The following RNF150 variants were observed in gnomAD, a reference collection of about 807,000 sequenced individuals.
RNF150 encodes ring finger protein 150.
In RNF150, 24 loss-of-function variants were observed where a neutral mutation model predicts 39.3. The observed-to-expected ratio is 0.61, with a 90% CI of 0.44 to 0.86. RNF150 has a LOEUF of 0.86. RNF150 is among the 40% of genes least tolerant of loss of function. The pLI is 0.00. For missense variants in RNF150, 502 were observed against 587.8 expected (o/e 0.85, Z 1.51); for synonymous variants, 255 against 227.3 (o/e 1.12, Z -1.10).
intron 1 of RNF150, among the ~76,000 whole-genome samples, chr4:141,145,717 A>AT (rs1727189771): frequency 6.6e-6 from 1 of 152,242 alleles, no homozygotes; most frequent in Admixed American, 6.5e-5. Flanking sequence ...TGTATAAACC[A>AT]AAAAGGAATT....
chr4:140,961,626 G>T (rs1207937909), intron 2 of RNF150, among the ~76,000 whole-genome samples: 10 of 152,076 alleles, frequency 6.6e-5, no homozygotes, highest in Admixed American at 6.6e-4. Context: ...CATTAAAGCA[G>T]AAATATTTTT....
chr4:141,160,896 T>C (rs540439721), intron 1 of RNF150, among the ~76,000 whole-genome samples: 255 of 152,358 alleles, frequency 1.7e-3, no homozygotes, highest in African/African-American at 6.0e-3. Flanking sequence ...CTTTTCTTTA[T>C]AAATTACCCA....
intron 6 of RNF150, among the ~76,000 whole-genome samples, chr4:140,882,560 T>C (rs1729416426): frequency 6.6e-6 from 1 of 152,210 alleles, no homozygotes; most frequent in Non-Finnish European, 1.5e-5. Context: ...GTTACTATTT[T>C]CCCTTTAAAT....
intron 6 of RNF150, 142 bp from the exon 7 acceptor site, chr4:140,868,521 A>G (rs1037398138): frequency 3.4e-6 from 2 of 594,838 alleles, no homozygotes; most frequent in Non-Finnish European, 5.9e-6. Context: ...TAAAAACTCT[A>G]GTTAAAGCCT....
intron 6 of RNF150, among the ~76,000 whole-genome samples, chr4:140,873,437 C>T (rs1729028220): frequency 6.6e-6 from 1 of 152,094 alleles, no homozygotes; most frequent in African/African-American, 2.4e-5. Context: ...GAAAATTGCC[C>T]CCAAAGAGCC....
At chr4:141,074,160 T>C (rs1207966853) in intron 1 of RNF150, among the ~76,000 whole-genome samples, 1 of 152,106 alleles carries the variant, frequency 6.6e-6, no homozygotes. Flanking sequence ...ATAAAATCTT[T>C]CAGTCACAGA....
chr4:141,205,257 T>A (rs1728355232), intron 1 of RNF150, among the ~76,000 whole-genome samples: 1 of 152,188 alleles, frequency 6.6e-6, no homozygotes, highest in Admixed American at 6.5e-5. Context: ...CATAAGCTAT[T>A]CACATACAAT....
At chr4:141,062,285 G>A (rs551595392) in intron 1 of RNF150, among the ~76,000 whole-genome samples, 2 of 151,956 alleles carry the variant, frequency 1.3e-5, no homozygotes, top group East Asian at 3.9e-4. Flanking sequence ...TATTATACAT[G>A]TCTGTATTAT....
chr4:141,005,930 G>A (rs932501349), intron 1 of RNF150, among the ~76,000 whole-genome samples: 2 of 146,542 alleles, frequency 1.4e-5, no homozygotes, highest in Admixed American at 6.8e-5. Flanking sequence ...TTAGCCGGGC[G>A]TAGTGGCGGG....
At chr4:141,058,310 A>G (rs1365848418) in intron 1 of RNF150, among the ~76,000 whole-genome samples, 1 of 152,214 alleles carries the variant, frequency 6.6e-6, no homozygotes, top group South Asian at 2.1e-4. Context: ...GGGGAGGGTG[A>G]AGAAGAGGGG....
intron 1 of RNF150, chr4:140,996,815 TG>T (rs1734394103): frequency 1.3e-5 from 2 of 152,224 alleles, no homozygotes; most frequent in African/African-American, 4.8e-5. Flanking sequence ...GTTCATTGTG[TG>T]GTACAGACCA....
chr4:141,000,020 G>A (rs1579041843), intron 1 of RNF150, among the ~76,000 whole-genome samples: 1 of 30,662 alleles, frequency 3.3e-5, no homozygotes, highest in Non-Finnish European at 7.6e-5. Flanking sequence ...AGAAGAAGAA[G>A]AAGAAGAAGA....
intron 1 of RNF150, among the ~76,000 whole-genome samples, chr4:140,982,150 T>C (rs574290293): frequency 1.4e-4 from 22 of 152,294 alleles, no homozygotes; most frequent in Non-Finnish European, 4.4e-5. Flanking sequence ...CAAAATCTTC[T>C]TTGATATGCA....
chr4:141,116,187 T>A (rs921705747), intron 1 of RNF150, among the ~76,000 whole-genome samples: 1 of 152,118 alleles, frequency 6.6e-6, no homozygotes, highest in African/African-American at 2.4e-5. Flanking sequence ...AAAGAAACTA[T>A]CATCAGAGTG....
chr4:141,195,241 A>G (rs1326981776), intron 1 of RNF150, among the ~76,000 whole-genome samples: 2 of 152,142 alleles, frequency 1.3e-5, no homozygotes, highest in African/African-American at 2.4e-5. Context: ...GCCCCTTTAA[A>G]TGAACTTGGC....
intron 1 of RNF150, among the ~76,000 whole-genome samples, chr4:141,043,344 G>A (rs954035799): frequency 6.6e-6 from 1 of 152,094 alleles, no homozygotes; most frequent in Non-Finnish European, 1.5e-5. Flanking sequence ...ATACCTAGAT[G>A]ACAACACAGA....
rs1431421549 is a variant in RNF150, at chr4:141,000,075, A to G, written c.485-32202T>C. 5.1e-3 allele frequency among the ~76,000 whole-genome samples: 418 copies of G among 81,822 alleles called. 25 individuals are homozygous for G. Among genetic ancestry groups the G allele is most frequent in the East Asian group, 0.018 (40 of 2,234 alleles). 53.7% of individuals were successfully genotyped at this position (81,822 alleles called of 152,430 possible). A position where few individuals can be genotyped will look rare whatever the true frequency, so the allele number is the denominator to read the frequency against. ...GAAGAAGAAGAAGAAGAAGAAGAAGAAGAAGAAGAAGGAGAAGAAGAAGAA... is the reference window on the plus strand; with the variant it reads ...GAAGAAGAAGAAGAAGAAGAAGAAGGAGAAGAAGAAGGAGAAGAAGAAGAA... On this transcript the variant is annotated intron_variant, in intron 1 of 6. Coordinates refer to ENST00000515673, the MANE Select transcript of RNF150 (RefSeq NM_020724.2).
chr4:140,872,825 C>T (rs1729001471), intron 6 of RNF150, among the ~76,000 whole-genome samples: 1 of 152,218 alleles, frequency 6.6e-6, no homozygotes, highest in African/African-American at 2.4e-5. Flanking sequence ...GCTCACAAGA[C>T]ATCCAAGGTT....
At chr4:140,880,460 C>CT (rs1185202180) in intron 6 of RNF150, among the ~76,000 whole-genome samples, 8 of 150,152 alleles carry the variant, frequency 5.3e-5, no homozygotes. Context: ...CTGTAATTTT[C>CT]TTTTCTTGTA....
Sources: gnomAD v4.1 joint callset for allele counts (sites outside exome capture counted in the v4.1 genomes callset) on GRCh38, gnomAD v4.1.1 for gene constraint, MANE v1.5 for transcripts, NCBI Gene and HGNC (gene_info 2026-07-23, HGNC 2026-07-21) for gene names.